Variants in AMPH observed in about 807,000 individuals in gnomAD.
AMPH encodes the protein amphiphysin.
AMPH carries 49 observed loss-of-function variants against 99.1 expected under a neutral mutation model. The observed-to-expected ratio is 0.49, with a 90% CI of 0.39 to 0.63. The LOEUF is 0.63. Among genes scored for constraint, AMPH ranks in the 20% least tolerant of loss-of-function variants. AMPH has a pLI of 0.00. For synonymous variants in AMPH, 314 were observed against 317.3 expected, an observed-to-expected ratio of 0.99 and a Z score of 0.11; for missense variants, 759 against 863.4, an observed-to-expected ratio of 0.88 and a Z score of 1.52.
At chr7:38,562,833 A>G (rs1791603363) in intron 1 of AMPH, among the ~76,000 whole-genome samples, 1 of 152,164 alleles carries the variant, frequency 6.6e-6, no homozygotes, top group Non-Finnish European at 1.5e-5. Context: ...CTTCATACTT[A>G]TTTTTCCTCT....
intron 7 of AMPH, among the ~76,000 whole-genome samples, chr7:38,468,294 T>G (rs1787743681): frequency 1.3e-5 from 2 of 152,244 alleles, no homozygotes; most frequent in South Asian, 4.1e-4. Context: ...TCATTTGTAT[T>G]CCTTCTTTTG....
chr7:38,441,436 T>C (rs560316788), intron 11 of AMPH, among the ~76,000 whole-genome samples: 2 of 152,236 alleles, frequency 1.3e-5, no homozygotes, highest in African/African-American at 4.8e-5. Context: ...TCTTTTCAAG[T>C]GCACATGGAA....
At chr7:38,508,901 C>A (rs1446009119) in intron 2 of AMPH, among the ~76,000 whole-genome samples, 1 of 152,148 alleles carries the variant, frequency 6.6e-6, no homozygotes, top group Non-Finnish European at 1.5e-5. Flanking sequence ...CCATAATCAG[C>A]ACCTTGATTA....
chr7:38,465,523 C>A lies in AMPH; in HGVS notation c.693G>T (p.Met231Ile). 6.3e-7 allele frequency: 1 copy of A among 1,584,836 alleles called. No individual in the cohort carries two copies. Among genetic ancestry groups the A allele is most frequent in the South Asian group, 1.2e-5 (1 of 86,718 alleles). The change falls in exon 9 of 21, where the codon ATG (methionine) becomes ATT (isoleucine). Residue 231 changes from methionine to isoleucine, a missense_variant. By Grantham distance (10) the Met-to-Ile change is conservative. Coordinates refer to ENST00000356264, the MANE Select transcript of AMPH (RefSeq NM_001635.4). Reference protein sequence around the residue: ...AVLCHKLYEVMTKLGDQHADK... With the variant: ...AVLCHKLYEVITKLGDQHADK... ...CGGCGTGCTGGTCACCCAGTTTTGTCATCACTTCATACAGTTTGTGGCAAA... is the reference window on the plus strand; with the variant it reads ...CGGCGTGCTGGTCACCCAGTTTTGTAATCACTTCATACAGTTTGTGGCAAA...
rs749635775 is a variant in AMPH at position 38,394,041 on chromosome 7, T to C, written c.1572A>G (p.Gln524=). 2 of 1,614,194 alleles carry C rather than the reference T, an allele frequency of 1.2e-6. No individual in the cohort carries two copies. Among genetic ancestry groups the C allele is most frequent in the South Asian group, 1.1e-5 (1 of 91,082 alleles). Residue 524 remains glutamine (Q), a synonymous_variant, in exon 18 of 21, where the codon CAA becomes CAG. Transcript: ENST00000356264. The part of the protein sequence containing the change: ...TETTEGAESA[Q]PEAEELEATV... ...TTGCTTCGAGCTCCTCTGCTTCAGG[T>C]TGGGCACTCTCTGCACCCTCAGTGG...
intron 1 of AMPH, among the ~76,000 whole-genome samples, chr7:38,568,360 G>A (rs1791821568): frequency 6.6e-6 from 1 of 152,184 alleles, no homozygotes; most frequent in South Asian, 2.1e-4. Context: ...AGCTACTCAG[G>A]AGGCTGACGC....
rs77488080 is a variant in AMPH at position 38,578,889 on chromosome 7, C to T, written c.70-43878G>A. ...TTTTTACAAATATCTTTACTGTTTA[C>T]TCTCCAGCCTAATAAAAAACAGCTA... On this transcript the variant is annotated intron_variant, in intron 1 of 20. Transcript: ENST00000356264. 3.3e-5 allele frequency among the ~76,000 whole-genome samples: 5 copies of T among 152,178 alleles called. No individual in the cohort carries two copies. The East Asian group carries it at 9.6e-4, about 29-fold the overall frequency.
At chr7:38,570,413 G>A (rs888073664) in intron 1 of AMPH, among the ~76,000 whole-genome samples, 2 of 152,126 alleles carry the variant, frequency 1.3e-5, no homozygotes, top group Admixed American at 1.3e-4. Context: ...GCATAATAAT[G>A]TTTTGTGTCA....
intron 1 of AMPH, among the ~76,000 whole-genome samples, chr7:38,575,458 G>A (rs1041220990): frequency 2.6e-5 from 4 of 152,090 alleles, no homozygotes; most frequent in Admixed American, 6.6e-5. Flanking sequence ...TGTGTTGGGG[G>A]AGGGACCACA....
chr7:38,571,274 T>TAGA (rs1562835160), intron 1 of AMPH, among the ~76,000 whole-genome samples: 724 of 44,186 alleles, frequency 0.016, 41 homozygotes, highest in African/African-American at 0.07. Flanking sequence ...TATTTATATA[T>TAGA]ATATTTTTAT....
At chr7:38,575,394 T>C (rs1792201283) in intron 1 of AMPH, among the ~76,000 whole-genome samples, 3 of 152,134 alleles carry the variant, frequency 2.0e-5, no homozygotes, top group Non-Finnish European at 4.4e-5. Context: ...CAAAGGACAT[T>C]TATTTGGTTT....
At chr7:38,446,284 A>G (rs1010331785) in intron 11 of AMPH, among the ~76,000 whole-genome samples, 1 of 152,216 alleles carries the variant, frequency 6.6e-6, no homozygotes, top group East Asian at 1.9e-4. Flanking sequence ...TATTCCTAAC[A>G]TATGATCTAG....
At chr7:38,544,907 GAAGAGATTCTT>G (rs1415473438) in intron 1 of AMPH, among the ~76,000 whole-genome samples, 1 of 152,150 alleles carries the variant, frequency 6.6e-6, no homozygotes, top group East Asian at 1.9e-4. Flanking sequence ...TGATCCAATG[GAAGAGATTCTT>G]AAGAGATTCT....
At chr7:38,393,130 G>T (rs1784563478) in intron 18 of AMPH, among the ~76,000 whole-genome samples, 1 of 152,108 alleles carries the variant, frequency 6.6e-6, no homozygotes, top group Non-Finnish European at 1.5e-5. Flanking sequence ...AACACTCTGG[G>T]CACTGTGATG....
At chr7:38,501,476 CT>C (rs1217622128) in intron 3 of AMPH, among the ~76,000 whole-genome samples, 1 of 152,180 alleles carries the variant, frequency 6.6e-6, no homozygotes, top group African/African-American at 2.4e-5. Context: ...GTGTGAGCCA[CT>C]GTGCCTGGCT....
At position 38,394,170 on chromosome 7, in the gene AMPH, C is replaced by T; in HGVS notation, c.1443G>A (p.Val481=). The change falls in exon 18 of 21, where the codon GTG becomes GTA. Residue 481 remains valine (V), a synonymous_variant. Transcript: ENST00000356264. ...CTCCTGGGGCCCCCTCAGCTGCTGACACCAAGGTTCCAACAGCTGCATCAG... is the reference window on the plus strand; with the variant it reads ...CTCCTGGGGCCCCCTCAGCTGCTGATACCAAGGTTCCAACAGCTGCATCAG... ...ADADAAVGTL[V]SAAEGAPGEE... is the part of the protein sequence containing the mutation. 1 of 1,614,258 alleles carries T rather than the reference C, an allele frequency of 6.2e-7. No homozygotes were observed. Among genetic ancestry groups the T allele is most frequent in the Non-Finnish European group, 8.5e-7 (1 of 1,180,058 alleles).
chr7:38,429,462 C>A, intron 14 of AMPH: 1 of 1,303,920 alleles, frequency 7.7e-7, no homozygotes, highest in Non-Finnish European at 1.0e-6. Flanking sequence ...AGCGTCAGGG[C>A]CCCAAGTAAA....
intron 1 of AMPH, among the ~76,000 whole-genome samples, chr7:38,609,720 T>C (rs1793559787): frequency 6.8e-6 from 1 of 147,322 alleles, no homozygotes; most frequent in Non-Finnish European, 1.5e-5. Context: ...ATATATACAT[T>C]TAAATAGTGG....
At chr7:38,412,832 T>C (rs1168763934) in intron 17 of AMPH, among the ~76,000 whole-genome samples, 1 of 152,220 alleles carries the variant, frequency 6.6e-6, no homozygotes, top group Non-Finnish European at 1.5e-5. Context: ...GCAATGAAGA[T>C]AGAAAAATTC....
Sources: gnomAD v4.1 joint callset for allele counts (sites outside exome capture counted in the v4.1 genomes callset) on GRCh38, gnomAD v4.1.1 for gene constraint, MANE v1.5 for transcripts, NCBI Gene and HGNC (gene_info 2026-07-23, HGNC 2026-07-21) for gene names.